Variants in DACH1 observed in about 807,000 individuals in gnomAD.
The protein encoded by DACH1 is dachshund family transcription factor 1.
A neutral mutation model predicts 54.2 loss-of-function variants in DACH1; 12 were observed. That is an observed-to-expected ratio of 0.22 (90% CI 0.14 to 0.36). The LOEUF (loss-of-function observed/expected upper bound fraction) is 0.36. Ranked by LOEUF, DACH1 falls within the 10% of genes least tolerant of loss-of-function variation. The probability of loss-of-function intolerance (pLI) is 1.00; values close to 1 mark genes in which losing one functional copy is unlikely to be tolerated. For synonymous variants in DACH1, 386 were observed against 366.2 expected (o/e 1.05, Z -0.62); for missense variants, 805 against 929.8 (o/e 0.87, Z 1.75).
chr13:71,793,811 G>A (rs1295087563), intron 1 of DACH1, among the ~76,000 whole-genome samples: 3 of 152,166 alleles, frequency 2.0e-5, no homozygotes, highest in African/African-American at 7.2e-5. Flanking sequence ...ACAGGCGTGA[G>A]CCACCATGCC....
chr13:71,621,479 T>C (rs1466461908), intron 3 of DACH1, among the ~76,000 whole-genome samples: 1 of 152,054 alleles, frequency 6.6e-6, no homozygotes, highest in Non-Finnish European at 1.5e-5. Flanking sequence ...TCACTTCCAA[T>C]CCATTCGCTA....
At chr13:71,582,794 T>G (rs1872944501) in intron 3 of DACH1, among the ~76,000 whole-genome samples, 1 of 152,170 alleles carries the variant, frequency 6.6e-6, no homozygotes, top group African/African-American at 2.4e-5. Flanking sequence ...TTCATCAGTT[T>G]TTCATAGGCA....
chr13:71,583,668 C>T (rs1460967381), intron 3 of DACH1, among the ~76,000 whole-genome samples: 5 of 151,966 alleles, frequency 3.3e-5, no homozygotes, highest in Admixed American at 1.3e-4. Flanking sequence ...CATGGGGAAA[C>T]CGTCTCTACA....
chr13:71,722,834 G>A (rs1883291298), intron 1 of DACH1, among the ~76,000 whole-genome samples: 1 of 151,960 alleles, frequency 6.6e-6, no homozygotes, highest in South Asian at 2.1e-4. Flanking sequence ...TATACTATTC[G>A]TGGCTTTCTC....
intron 2 of DACH1, among the ~76,000 whole-genome samples, chr13:71,643,444 G>A (rs553650203): frequency 3.3e-5 from 5 of 152,150 alleles, no homozygotes; most frequent in East Asian, 1.9e-4. Flanking sequence ...ACACTTAAGC[G>A]GACTTTCTCC....
At chr13:71,846,601 C>G (rs1157903240) in intron 1 of DACH1, among the ~76,000 whole-genome samples, 1 of 152,184 alleles carries the variant, frequency 6.6e-6, no homozygotes, top group Non-Finnish European at 1.5e-5. Context: ...CCTCACTCGG[C>G]CTGAGCGACA....
intron 1 of DACH1, among the ~76,000 whole-genome samples, chr13:71,796,734 A>G (rs1243709219): frequency 6.6e-6 from 1 of 152,076 alleles, no homozygotes; most frequent in African/African-American, 2.4e-5. Context: ...ATAAAAGACA[A>G]GTAATATATA....
intron 1 of DACH1, among the ~76,000 whole-genome samples, chr13:71,748,905 T>TC (rs1491269578): frequency 3.1e-4 from 9 of 28,698 alleles, no homozygotes; most frequent in African/African-American, 7.9e-4. Context: ...TTTCTCTTTC[T>TC]TTCTTTCTTT....
chr13:71,578,424 T>C lies in DACH1; in HGVS notation c.1127-5412A>G, dbSNP rs192827743. ...AGATGTTCAGCTGTTACTTCAGAGGTAGGTGAGAGAATAAACAAGTTATTA... is the reference window on the plus strand; with the variant it reads ...AGATGTTCAGCTGTTACTTCAGAGGCAGGTGAGAGAATAAACAAGTTATTA... On this transcript the variant is annotated intron_variant, in intron 3 of 10. Transcript: ENST00000613252. Among the ~76,000 whole-genome samples the C allele has an allele frequency of 1.7e-3, 255 of 152,204 alleles. 1 individual carries two copies. Among genetic ancestry groups the C allele is most frequent in the South Asian group, 1.0e-2 (48 of 4,820 alleles).
chr13:71,866,521 T>TCCACTG lies in DACH1; in HGVS notation c.248_249insCAGTGG (p.Ser82_Gly83dup). Reference sequence around the variant, plus strand: ...CGTTGCCGCTGCTGCCGCCGCCGCCTCCGCTGCCGCCGCCGCCGCCGCCGC... The same window carrying TCCACTG: ...CGTTGCCGCTGCTGCCGCCGCCGCCTCCACTGCCGCTGCCGCCGCCGCCGCCGCCGC... On this transcript the variant is annotated inframe_insertion, in exon 1 of 11. Transcript: ENST00000613252. 9.3e-7 allele frequency: 1 copy of TCCACTG among 1,076,490 alleles called. No homozygotes were observed. Among genetic ancestry groups the TCCACTG allele is most frequent in the Non-Finnish European group, 1.1e-6 (1 of 893,230 alleles). 66.7% of individuals were successfully genotyped at this position (1,076,490 alleles called of 1,614,324 possible).
chr13:71,563,165 T>C (rs566231708), intron 4 of DACH1, among the ~76,000 whole-genome samples: 1 of 152,152 alleles, frequency 6.6e-6, no homozygotes, highest in African/African-American at 2.4e-5. Context: ...AGAAAATGCA[T>C]TGATATATTT....
intron 1 of DACH1, among the ~76,000 whole-genome samples, chr13:71,746,216 C>CAAATA (rs551026831): frequency 0.018 from 2,783 of 151,928 alleles, 47 homozygotes; most frequent in Middle Eastern, 0.045. Context: ...GACCCTGTTT[C>CAAATA]AAATAAAATA....
chr13:71,717,873 G>A (rs1444913570), intron 1 of DACH1, among the ~76,000 whole-genome samples: 1 of 151,116 alleles, frequency 6.6e-6, no homozygotes, highest in African/African-American at 2.4e-5. Context: ...GGAATTAGTA[G>A]TCCAAAAAAA....
chr13:71,613,038 T>C (rs1481188392), intron 3 of DACH1, among the ~76,000 whole-genome samples: 1 of 152,150 alleles, frequency 6.6e-6, no homozygotes, highest in African/African-American at 2.4e-5. Context: ...GGCTTGCAAA[T>C]AAAGATGTTA....
In DACH1 at chr13:71,867,022, C is replaced by G. The variant is rs889935063; in HGVS notation, c.-253G>C. 7.9e-6 allele frequency: 1 copy of G among 126,146 alleles called. No homozygotes were observed. Among genetic ancestry groups the G allele is most frequent in the Non-Finnish European group, 1.5e-5 (1 of 66,280 alleles). 7.8% of individuals were successfully genotyped at this position (126,146 alleles called of 1,614,324 possible). A position where few individuals can be genotyped will look rare whatever the true frequency, so the allele number is the denominator to read the frequency against. ...CAAAAGTGTCCCGCAAGTCGAAATGCGAGTCCTCTCCGGGGGCTGGGATCG... is the reference window on the plus strand; with the variant it reads ...CAAAAGTGTCCCGCAAGTCGAAATGGGAGTCCTCTCCGGGGGCTGGGATCG... On this transcript the variant is annotated 5_prime_UTR_variant, in exon 1 of 11. Transcript: ENST00000613252.
chr13:71,460,800 G>C (rs1036726070), intron 10 of DACH1, among the ~76,000 whole-genome samples: 6 of 151,970 alleles, frequency 3.9e-5, no homozygotes, highest in Non-Finnish European at 8.8e-5. Flanking sequence ...AGTCCCATTT[G>C]ACTCCACTGC....
At chr13:71,813,176 G>A (rs1887784768) in intron 1 of DACH1, among the ~76,000 whole-genome samples, 1 of 152,098 alleles carries the variant, frequency 6.6e-6, no homozygotes, top group African/African-American at 2.4e-5. Context: ...AGATTAAATT[G>A]AACTTTAAAG....
At chr13:71,707,442 G>T (rs1487856251) in intron 1 of DACH1, among the ~76,000 whole-genome samples, 1 of 152,186 alleles carries the variant, frequency 6.6e-6, no homozygotes, top group Non-Finnish European at 1.5e-5. Context: ...AATGCAGATG[G>T]TGGGCTTTGG....
chr13:71,693,791 AC>A (rs1331438325), intron 1 of DACH1, among the ~76,000 whole-genome samples: 1 of 152,072 alleles, frequency 6.6e-6, no homozygotes, highest in African/African-American at 2.4e-5. Context: ...TACTATGTCT[AC>A]TTTATAAGTT....
Sources: gnomAD v4.1 joint callset for allele counts (sites outside exome capture counted in the v4.1 genomes callset) on GRCh38, gnomAD v4.1.1 for gene constraint, MANE v1.5 for transcripts, NCBI Gene and HGNC (gene_info 2026-07-23, HGNC 2026-07-21) for gene names.